Variants in PTPRK observed in about 807,000 individuals in gnomAD.
PTPRK encodes the protein receptor-type tyrosine-protein phosphatase kappa.
Under a neutral mutation model 178.0 loss-of-function variants are expected in PTPRK, and 75 were observed. The ratio of observed to expected loss-of-function variants is 0.42; its 90% CI spans 0.35 to 0.51. The LOEUF is 0.51. PTPRK is among the 20% of genes least tolerant of loss of function. PTPRK has a pLI of 0.02. For missense variants in PTPRK, 1,441 were observed against 1,797.8 expected (o/e 0.80, Z 3.59); for synonymous variants, 637 against 620.6 (o/e 1.03, Z -0.39).
At chr6:128,499,267 C>G (rs903283858) in intron 1 of PTPRK, among the ~76,000 whole-genome samples, 2 of 152,124 alleles carry the variant, frequency 1.3e-5, no homozygotes, top group Non-Finnish European at 2.9e-5. Flanking sequence ...AAACACTGAA[C>G]TGTAAATCTT....
At chr6:128,035,920 T>C (rs1776133249) in intron 13 of PTPRK, among the ~76,000 whole-genome samples, 1 of 152,238 alleles carries the variant, frequency 6.6e-6, no homozygotes. Context: ...CAGAGTATTC[T>C]TTCTGTCTTC....
At chr6:128,134,336 G>A (rs1423134777) in intron 7 of PTPRK, among the ~76,000 whole-genome samples, 1 of 152,096 alleles carries the variant, frequency 6.6e-6, no homozygotes, top group Non-Finnish European at 1.5e-5. Context: ...AGAGAGATTT[G>A]TTAAACATCT....
intron 2 of PTPRK, among the ~76,000 whole-genome samples, chr6:128,335,748 C>T (rs1291657344): frequency 6.6e-6 from 1 of 151,654 alleles, no homozygotes; most frequent in Non-Finnish European, 1.5e-5. Flanking sequence ...ACAAGATCGT[C>T]AACTATAGCT....
rs368988564 is a variant in PTPRK at position 128,029,176 on chromosome 6, C to A, written c.2195-19908G>T. ...ACAGTAATGAGTGTTCTTGTGAGAT[C>A]TGGTTGTTTAAAGAGTGTGGACCTT... is the stretch of plus-strand genomic sequence containing the variant. On this transcript the variant is annotated intron_variant, in intron 13 of 29. Coordinates refer to ENST00000368226, the MANE Select transcript of PTPRK (RefSeq NM_002844.4). 6.6e-5 allele frequency among the ~76,000 whole-genome samples: 10 copies of A among 152,166 alleles called. No individual in the cohort carries two copies. The East Asian group carries it at 1.5e-3, about 24-fold the overall frequency.
At chr6:128,169,667 A>G (rs75509042) in intron 7 of PTPRK, among the ~76,000 whole-genome samples, 1,652 of 152,150 alleles carry the variant, frequency 0.011, 32 homozygotes, top group African/African-American at 0.036. Flanking sequence ...GACGTTACAC[A>G]AATAACTTTA....
intron 2 of PTPRK, among the ~76,000 whole-genome samples, chr6:128,375,166 G>T (rs79446910): frequency 6.7e-6 from 1 of 149,640 alleles, no homozygotes; most frequent in South Asian, 2.1e-4. Flanking sequence ...TTTTGTTCAC[G>T]GATTTAGCCC....
In PTPRK at chr6:128,048,613, T is replaced by C. The variant is rs9491907; in HGVS notation, c.2194+16145A>G. Among the ~76,000 whole-genome samples the C allele has an allele frequency of 2.3e-3, 350 of 152,354 alleles. 1 individual carries two copies. Among genetic ancestry groups the C allele is most frequent in the African/African-American group, 8.0e-3 (334 of 41,582 alleles). The stretch of plus-strand genomic sequence containing the variant: ...CCTTTATTTTTCTTCAAAGGATTTA[T>C]CACCATTTGCCATGCCACATACAGT... On this transcript the variant is annotated intron_variant, in intron 13 of 29. Coordinates refer to ENST00000368226, the MANE Select transcript of PTPRK (RefSeq NM_002844.4).
intron 3 of PTPRK, among the ~76,000 whole-genome samples, chr6:128,285,809 T>C (rs960510840): frequency 6.7e-6 from 1 of 148,984 alleles, no homozygotes. Context: ...CAAAAAAAAG[T>C]CTCCAAAATA....
intron 7 of PTPRK, among the ~76,000 whole-genome samples, chr6:128,107,566 TA>T (rs941731464): frequency 4.7e-4 from 71 of 152,232 alleles, no homozygotes; most frequent in African/African-American, 1.6e-3. Flanking sequence ...TGTATTTGAG[TA>T]AAAAACATAT....
chr6:128,190,490 C>CG (rs763994813), intron 6 of PTPRK, among the ~76,000 whole-genome samples: 3 of 96,126 alleles, frequency 3.1e-5, no homozygotes, highest in African/African-American at 1.6e-4. Context: ...TGATAGATAC[C>CG]TTTTTTTTTT....
intron 5 of PTPRK, among the ~76,000 whole-genome samples, chr6:128,231,206 A>T (rs967235737): frequency 1.3e-5 from 2 of 152,234 alleles, no homozygotes; most frequent in African/African-American, 4.8e-5. Flanking sequence ...AGAATTCTTT[A>T]TATAAAGCTA....
chr6:128,035,566 G>A (rs1776073109), intron 13 of PTPRK, among the ~76,000 whole-genome samples: 1 of 151,984 alleles, frequency 6.6e-6, no homozygotes, highest in Admixed American at 6.6e-5. Context: ...TTCCAAGTGT[G>A]GACATATCTG....
At chr6:128,120,195 T>C (rs906063931) in intron 7 of PTPRK, among the ~76,000 whole-genome samples, 7 of 151,974 alleles carry the variant, frequency 4.6e-5, no homozygotes, top group Non-Finnish European at 2.9e-5. Flanking sequence ...AATTCTAGTT[T>C]TTCCTATGCA....
At chr6:128,513,852 A>T (rs1857528627) in intron 1 of PTPRK, among the ~76,000 whole-genome samples, 1 of 152,204 alleles carries the variant, frequency 6.6e-6, no homozygotes, top group Non-Finnish European at 1.5e-5. Flanking sequence ...TCCAATGACC[A>T]TGAAGCAATC....
chr6:128,283,958 T>C (rs1357880818), intron 3 of PTPRK, among the ~76,000 whole-genome samples: 1 of 152,206 alleles, frequency 6.6e-6, no homozygotes, highest in Non-Finnish European at 1.5e-5. Context: ...AAAAATTAAA[T>C]TTCCCTGAAG....
At chr6:128,474,386 G>C (rs150459986) in intron 1 of PTPRK, among the ~76,000 whole-genome samples, 58 of 146,732 alleles carry the variant, frequency 4.0e-4, no homozygotes, top group Non-Finnish European at 7.8e-4. Flanking sequence ...TTCTTCAATG[G>C]AAAAAAAAAA....
intron 2 of PTPRK, among the ~76,000 whole-genome samples, chr6:128,354,232 T>G (rs1339019587): frequency 1.1e-4 from 3 of 26,716 alleles, no homozygotes; most frequent in African/African-American, 1.3e-4. Context: ...TTTGTTTATG[T>G]TTTTTTTTTT....
At chr6:128,190,490 CTTTTTTT>C (rs34873441) in intron 6 of PTPRK, among the ~76,000 whole-genome samples, 46 of 96,118 alleles carry the variant, frequency 4.8e-4, no homozygotes, top group South Asian at 4.5e-3. Flanking sequence ...TGATAGATAC[CTTTTTTT>C]TTTTTTTTTT....
chr6:128,362,002 A>G (rs1035991675), intron 2 of PTPRK, among the ~76,000 whole-genome samples: 10 of 152,172 alleles, frequency 6.6e-5, no homozygotes, highest in African/African-American at 2.4e-4. Flanking sequence ...TTCGTATCTT[A>G]GAGCACAAAA....
Sources: gnomAD v4.1 joint callset for allele counts (sites outside exome capture counted in the v4.1 genomes callset) on GRCh38, gnomAD v4.1.1 for gene constraint, MANE v1.5 for transcripts, NCBI Gene and HGNC (gene_info 2026-07-23, HGNC 2026-07-21) for gene names.